FAM135B: variants seen among roughly 807,000 people sequenced by gnomAD.
The protein encoded by FAM135B is family with sequence similarity 135 member B.
A neutral mutation model predicts 127.7 loss-of-function variants in FAM135B; 43 were observed. The observed-to-expected ratio is 0.34, with a 90% CI of 0.26 to 0.43. FAM135B has a LOEUF of 0.43. Ranked by LOEUF, FAM135B falls within the 20% of genes least tolerant of loss-of-function variation. The pLI, the probability that FAM135B is intolerant of heterozygous loss-of-function variation, is 1.00. For synonymous variants in FAM135B, 670 were observed against 665.1 expected, an observed-to-expected ratio of 1.01 and a Z score of -0.11; for missense variants, 1,558 against 1,725.6, an observed-to-expected ratio of 0.90 and a Z score of 1.72.
At chr8:138,209,848 A>G (rs2129818122) in intron 7 of FAM135B, among the ~76,000 whole-genome samples, 1 of 152,332 alleles carries the variant, frequency 6.6e-6, no homozygotes, top group Admixed American at 6.5e-5. Flanking sequence ...CAAATGTAGA[A>G]TTCCAAAATA....
At chr8:138,376,070 T>C (rs1430754440) in intron 1 of FAM135B, among the ~76,000 whole-genome samples, 1 of 152,162 alleles carries the variant, frequency 6.6e-6, no homozygotes, top group Non-Finnish European at 1.5e-5. Context: ...CTCGGCTCAC[T>C]GCAACCTCCG....
intron 1 of FAM135B, among the ~76,000 whole-genome samples, chr8:138,412,252 A>G (rs1224623322): frequency 6.6e-6 from 1 of 152,224 alleles, no homozygotes; most frequent in African/African-American, 2.4e-5. Flanking sequence ...CAAAAGAAAA[A>G]GGAAGTGAGT....
At chr8:138,458,840 G>A (rs545073450) in intron 1 of FAM135B, among the ~76,000 whole-genome samples, 10 of 152,288 alleles carry the variant, frequency 6.6e-5, no homozygotes, top group African/African-American at 4.8e-5. Flanking sequence ...TAGAAGTTAC[G>A]CTGAATTCAG....
rs1296699042 is a variant in FAM135B at position 138,310,910 on chromosome 8, T to A, written c.88A>T (p.Ile30Phe). 1 of 1,612,804 alleles carries A rather than the reference T, an allele frequency of 6.2e-7. No homozygotes were observed. Among genetic ancestry groups the A allele is most frequent in the East Asian group, 2.2e-5 (1 of 44,866 alleles). ...GAAGACACCTTCAAGGTCACTCGGA[T>A]CTGGTAATACCTAAGAAAAGAGAAG... ...VDLFQRGYYQ[I>F]RVTLKVSSRI... is the part of the protein sequence containing the mutation. Residue 30 changes from isoleucine (I) to phenylalanine (F), a missense_variant, in exon 3 of 20, where the codon ATC becomes TTC. By Grantham distance (21) the Ile-to-Phe change is conservative. Transcript: ENST00000395297.
At chr8:138,478,482 A>G (rs1280965931) in intron 1 of FAM135B, among the ~76,000 whole-genome samples, 1 of 152,158 alleles carries the variant, frequency 6.6e-6, no homozygotes, top group Non-Finnish European at 1.5e-5. Context: ...CTTTTGTCGC[A>G]GCAATTAATA....
intron 1 of FAM135B, among the ~76,000 whole-genome samples, chr8:138,377,086 T>C (rs573701025): frequency 2.6e-5 from 4 of 152,364 alleles, no homozygotes; most frequent in African/African-American, 7.2e-5. Context: ...TAGATTTTGC[T>C]TGGGAAAAAA....
intron 10 of FAM135B, among the ~76,000 whole-genome samples, chr8:138,177,660 T>C (rs1814603871): frequency 6.6e-6 from 1 of 152,192 alleles, no homozygotes; most frequent in Admixed American, 6.5e-5. Context: ...TATGAATCTG[T>C]TCTTGCATTG....
chr8:138,465,352 T>G (rs1837330145), intron 1 of FAM135B, among the ~76,000 whole-genome samples: 2 of 152,182 alleles, frequency 1.3e-5, no homozygotes, highest in South Asian at 2.1e-4. Context: ...GTCCATCATA[T>G]CCCCAATTTA....
intron 7 of FAM135B, among the ~76,000 whole-genome samples, chr8:138,229,387 T>A (rs1450010675): frequency 6.6e-6 from 1 of 152,190 alleles, no homozygotes; most frequent in Non-Finnish European, 1.5e-5. Context: ...ATGTTAATGA[T>A]GTCTTGCACA....
At chr8:138,299,568 T>TGCATAC (rs1825721798) in intron 3 of FAM135B, among the ~76,000 whole-genome samples, 1 of 150,524 alleles carries the variant, frequency 6.6e-6, no homozygotes, top group Non-Finnish European at 1.5e-5. Context: ...CATGCATGTA[T>TGCATAC]ACATACACAT....
At chr8:138,198,126 C>T (rs780941146) in intron 7 of FAM135B, among the ~76,000 whole-genome samples, 21 of 152,062 alleles carry the variant, frequency 1.4e-4, no homozygotes, top group South Asian at 1.0e-3. Flanking sequence ...AATTGAATCA[C>T]GGGGGCGGGG....
intron 3 of FAM135B, among the ~76,000 whole-genome samples, chr8:138,302,554 A>G (rs1225848284): frequency 7.7e-6 from 1 of 129,854 alleles, no homozygotes; most frequent in East Asian, 2.3e-4. Flanking sequence ...CCAAAGTCAT[A>G]AAGATCTGCT....
chr8:138,410,825 C>T (rs11166818), intron 1 of FAM135B, among the ~76,000 whole-genome samples: 42,964 of 151,898 alleles, frequency 0.28, 6,389 homozygotes, highest in Non-Finnish European at 0.32. Context: ...CAAAAACATA[C>T]GTGTACTTAT....
At chr8:138,419,222 A>C (rs1196679467) in intron 1 of FAM135B, among the ~76,000 whole-genome samples, 1 of 152,176 alleles carries the variant, frequency 6.6e-6, no homozygotes, top group Non-Finnish European at 1.5e-5. Flanking sequence ...ATTTCAGAGA[A>C]AACAGACTCT....
intron 3 of FAM135B, among the ~76,000 whole-genome samples, chr8:138,300,282 C>T (rs552523665): frequency 7.9e-5 from 12 of 151,178 alleles, no homozygotes; most frequent in African/African-American, 2.9e-4. Context: ...AAAAAATCCA[C>T]AAGTTAATAC....
intron 11 of FAM135B, among the ~76,000 whole-genome samples, chr8:138,169,400 T>A: frequency 7.1e-6 from 1 of 140,498 alleles, no homozygotes; most frequent in East Asian, 1.9e-4. Context: ...CTCTGAATAT[T>A]TAACTCTTTA....
intron 1 of FAM135B, among the ~76,000 whole-genome samples, chr8:138,493,324 C>A (rs1039894440): frequency 6.6e-6 from 1 of 152,002 alleles, no homozygotes; most frequent in African/African-American, 2.4e-5. Context: ...CCATGTGTAA[C>A]CAAAGGAGGT....
chr8:138,220,816 T>C (rs893614610), intron 7 of FAM135B, among the ~76,000 whole-genome samples: 2 of 152,200 alleles, frequency 1.3e-5, no homozygotes, highest in African/African-American at 2.4e-5. Flanking sequence ...TAACTGCACA[T>C]ATATAAATGT....
intron 1 of FAM135B, among the ~76,000 whole-genome samples, chr8:138,414,042 G>A (rs1834006446): frequency 6.6e-6 from 1 of 151,126 alleles, no homozygotes; most frequent in South Asian, 2.1e-4. Flanking sequence ...ACAGATCAAT[G>A]ACTTTTGAGA....
Sources: allele counts gnomAD v4.1 joint callset (sites outside exome capture counted in the v4.1 genomes callset), GRCh38; gene constraint gnomAD v4.1.1; transcripts MANE v1.5; gene names NCBI Gene and HGNC (gene_info 2026-07-23, HGNC 2026-07-21).